KDSR: variants seen among roughly 807,000 people sequenced by gnomAD.
KDSR encodes 3-dehydrosphinganine reductase.
Under a neutral mutation model 41.3 loss-of-function variants are expected in KDSR, and 23 were observed. The observed-to-expected ratio is 0.56, with a 90% CI of 0.40 to 0.79. The LOEUF (loss-of-function observed/expected upper bound fraction) is 0.79, where lower values mean the gene tolerates loss of function less well. Ranked by LOEUF, KDSR falls within the 30% of genes least tolerant of loss-of-function variation. The probability of loss-of-function intolerance (pLI) is 0.00; values close to 1 mark genes in which losing one functional copy is unlikely to be tolerated. For missense variants in KDSR, 351 were observed against 416.8 expected (o/e 0.84, Z 1.37); for synonymous variants, 138 against 151.7 (o/e 0.91, Z 0.66).
At chr18:63,364,570 A>G (rs1915080903) in intron 1 of KDSR, among the ~76,000 whole-genome samples, 1 of 151,998 alleles carries the variant, frequency 6.6e-6, no homozygotes, top group Admixed American at 6.6e-5. Context: ...CAGACACCCA[A>G]GTAGTGGGGA....
chr18:63,347,357 A>G (rs905281788), intron 6 of KDSR, among the ~76,000 whole-genome samples: 73 of 152,044 alleles, frequency 4.8e-4, no homozygotes, highest in African/African-American at 1.7e-3. Flanking sequence ...TTAGCCGGGC[A>G]TGGTGGTGGG....
chr18:63,334,054 C>T (rs541264371), intron 9 of KDSR, among the ~76,000 whole-genome samples: 5 of 152,284 alleles, frequency 3.3e-5, no homozygotes, highest in Admixed American at 1.3e-4. Flanking sequence ...AAGTGCCAGG[C>T]GCTGGCTGTT....
chr18:63,355,558 C>T lies in KDSR; in HGVS notation c.261G>A (p.Val87=), dbSNP rs2003149. The T allele has an allele frequency of 0.64, 1,019,591 of 1,583,240 alleles. 330,186 individuals carry two copies. Among genetic ancestry groups the T allele is most frequent in the South Asian group, 0.67 (57,485 of 85,254 alleles). Residue 87 remains valine, a synonymous_variant, in exon 4 of 10, where the codon GTG becomes GTA. Coordinates refer to ENST00000645214, the MANE Select transcript of KDSR (RefSeq NM_002035.4). ...GAGATACATCAACTGATATGCAAAG[C>T]ACCACCTGTTAAAAAAGAAAAAAAG... The part of the protein sequence containing the change: ...EMHSINDKQV[V]LCISVDVSQD...
chr18:63,362,776 T>C lies in KDSR; in HGVS notation c.198+3A>G, dbSNP rs1915025827. The C allele has an allele frequency of 6.2e-7, 1 of 1,600,186 alleles. No individual in the cohort carries two copies. The highest frequency in any genetic ancestry group is 1.7e-5 in the Admixed American group (1 of 59,878). ...TCAGTAATAATGAACCTAGAAGCCT[T>C]ACCTCATTTCGTGCAACCAGAGTTA... On this transcript the variant is annotated splice_donor_region_variant and intron_variant, in intron 2 of 9. Transcript: ENST00000645214.
chr18:63,350,840 T>C (rs199560861), intron 6 of KDSR, 48 bp downstream of exon 6: 92 of 1,357,356 alleles, frequency 6.8e-5, no homozygotes, highest in Non-Finnish European at 8.7e-5. Context: ...GCGGAATGTA[T>C]ATTGCTGAGC....
chr18:63,360,710 C>A (rs538031173), intron 2 of KDSR, among the ~76,000 whole-genome samples: 1 of 151,488 alleles, frequency 6.6e-6, no homozygotes, highest in South Asian at 2.1e-4. Flanking sequence ...TGGTGAAGCC[C>A]CGTCTCTACC....
In KDSR at chr18:63,328,435, C is replaced by G. The variant is rs1303303671; in HGVS notation, c.*3347G>C. On this transcript the variant is annotated 3_prime_UTR_variant, in exon 10 of 10. Coordinates refer to ENST00000645214, the MANE Select transcript of KDSR (RefSeq NM_002035.4). ...TGGCGCAATCTTGGCTCACTGCAAC[C>G]TCTGCCTCCTGGGTTCAAGCGATTC... 3.9e-5 allele frequency: 6 copies of G among 155,662 alleles called. No homozygotes were observed. In the Admixed American group the frequency reaches 3.9e-4, roughly 10 times the overall value. 9.6% of individuals were successfully genotyped at this position (155,662 alleles called of 1,614,324 possible). A position where few individuals can be genotyped will look rare whatever the true frequency, so the allele number is the denominator to read the frequency against.
chr18:63,366,998 G>A lies in KDSR; in HGVS notation c.108+13C>T, dbSNP rs1390719239. The stretch of plus-strand genomic sequence containing the variant: ...GCCGGTAAGTCGGGGGGCAGCAACA[G>A]GAGGCCACTCACCACCACATGCGCC... On this transcript the variant is annotated intron_variant, in intron 1 of 9. Transcript: ENST00000645214. 2.3e-6 allele frequency: 3 copies of A among 1,282,940 alleles called. No individual in the cohort carries two copies. Among genetic ancestry groups the A allele is most frequent in the East Asian group, 2.8e-5 (1 of 35,502 alleles). 79.5% of individuals were successfully genotyped at this position (1,282,940 alleles called of 1,614,324 possible). A position where few individuals can be genotyped will look rare whatever the true frequency, so the allele number is the denominator to read the frequency against.
chr18:63,344,537 A>T, intron 6 of KDSR, 44 bp from the exon 7 acceptor site: 1 of 1,427,978 alleles, frequency 7.0e-7, no homozygotes, highest in Non-Finnish European at 9.9e-7. Flanking sequence ...AACAAGACAC[A>T]CTGAGGTCCT....
intron 2 of KDSR, 24 bp downstream of exon 2, chr18:63,362,755 T>C (rs1457461518): frequency 6.6e-7 from 1 of 1,505,920 alleles, no homozygotes; most frequent in African/African-American, 1.4e-5. Flanking sequence ...AGCAAGTCAG[T>C]AATAATGAAC....
In KDSR at chr18:63,344,491, C is replaced by T. The variant is rs752792148; in HGVS notation, c.612G>A (p.Val204=). ...CTGTGATGTAGACATTATATGGCTT[C>T]ACCTGCATTTCAAAACAACACGTGT... ...RGLAEALQME[V]KPYNVYITVA... Residue 204 remains valine, a splice_region_variant and synonymous_variant, in exon 7 of 10, where the codon GTG becomes GTA. Transcript: ENST00000645214. 12 of 1,612,290 alleles carry T rather than the reference C, an allele frequency of 7.4e-6. No homozygotes were observed. Among genetic ancestry groups the T allele is most frequent in the Admixed American group, 5.0e-5 (3 of 60,010 alleles).
chr18:63,357,810 C>G (rs1390751124), intron 3 of KDSR, among the ~76,000 whole-genome samples: 1 of 151,986 alleles, frequency 6.6e-6, no homozygotes, highest in African/African-American at 2.4e-5. Context: ...CACCTACCTT[C>G]AACTGATTTG....
Position 63,350,968 on chromosome 18 carries a change from G to GTCC in KDSR, c.526_528dup (p.Gly176dup). 6.2e-7 allele frequency: 1 copy of GTCC among 1,614,122 alleles called. No individual in the cohort carries two copies. Among genetic ancestry groups the GTCC allele is most frequent in the African/African-American group, 1.3e-5 (1 of 75,048 alleles). On this transcript the variant is annotated inframe_insertion, in exon 6 of 10. Coordinates refer to ENST00000645214, the MANE Select transcript of KDSR (RefSeq NM_002035.4). ...GCTGTGAAACCGAATAATCCCAACT[G>GTCC]TCCTGCCTGGGAGGACACAAACACG...
chr18:63,353,021 A>G (rs927024864), intron 5 of KDSR, among the ~76,000 whole-genome samples: 9 of 151,470 alleles, frequency 5.9e-5, no homozygotes, highest in Non-Finnish European at 1.2e-4. Flanking sequence ...ACAAAAAAAA[A>G]AAAAAAAAAA....
At chr18:63,344,192 T>G (rs1914429761) in intron 7 of KDSR, 1 of 467,414 alleles carries the variant, frequency 2.1e-6, no homozygotes, top group Admixed American at 3.5e-5. Flanking sequence ...AGAAAAAATC[T>G]GGTAGAAATT....
chr18:63,334,496 G>A (rs995529633), intron 9 of KDSR, among the ~76,000 whole-genome samples: 4 of 152,026 alleles, frequency 2.6e-5, no homozygotes, highest in Non-Finnish European at 4.4e-5. Flanking sequence ...GATTACAGGC[G>A]TCCGCCACCA....
intron 9 of KDSR, among the ~76,000 whole-genome samples, chr18:63,333,192 A>G (rs1176394711): frequency 6.6e-6 from 1 of 152,108 alleles, no homozygotes; most frequent in Non-Finnish European, 1.5e-5. Flanking sequence ...TCTGGACTCA[A>G]GCAGAAGTCT....
chr18:63,359,178 CAAAA>C (rs74169959), intron 3 of KDSR, among the ~76,000 whole-genome samples: 10 of 37,110 alleles, frequency 2.7e-4, no homozygotes, highest in Admixed American at 2.1e-3. Flanking sequence ...GACACTGCCT[CAAAA>C]AAAAAAAAAA....
Position 63,331,757 on chromosome 18 carries a change from A to T in KDSR, c.*25T>A, listed in dbSNP as rs202103845. 87 of 1,605,952 alleles carry T rather than the reference A, an allele frequency of 5.4e-5. No homozygotes were observed. Among genetic ancestry groups the T allele is most frequent in the Non-Finnish European group, 7.0e-5 (82 of 1,176,656 alleles). On this transcript the variant is annotated 3_prime_UTR_variant, in exon 10 of 10. Coordinates refer to ENST00000645214, the MANE Select transcript of KDSR (RefSeq NM_002035.4). ...CAAGCTGTTCAAATTATTTGGAAAC[A>T]GTCTTCTTCCAAGGGGTAAGAAGAT...
Sources: gnomAD v4.1 joint callset for allele counts (sites outside exome capture counted in the v4.1 genomes callset) on GRCh38, gnomAD v4.1.1 for gene constraint, MANE v1.5 for transcripts, NCBI Gene and HGNC (gene_info 2026-07-23, HGNC 2026-07-21) for gene names.